GRK4: variants seen among roughly 807,000 people sequenced by gnomAD.
GRK4 encodes G protein-coupled receptor kinase 2-like.
GRK4 carries 73 observed loss-of-function variants against 77.9 expected under a neutral mutation model. That is an observed-to-expected ratio of 0.94 (90% CI 0.78 to 1.14). The LOEUF (loss-of-function observed/expected upper bound fraction) is 1.14. Ranked by LOEUF, GRK4 falls within the 50% of genes most tolerant of loss-of-function variation. The pLI, the probability that GRK4 is intolerant of heterozygous loss-of-function variation, is 0.00. For synonymous variants in GRK4, 257 were observed against 254.4 expected, an observed-to-expected ratio of 1.01 and a Z score of -0.10; for missense variants, 729 against 700.2, an observed-to-expected ratio of 1.04 and a Z score of -0.46.
intron 7 of GRK4, among the ~76,000 whole-genome samples, chr4:3,010,891 A>G (rs573746496): frequency 6.6e-6 from 1 of 152,324 alleles, no homozygotes; most frequent in South Asian, 2.1e-4. Context: ...GCTTGACATG[A>G]CAAGAAATTG....
intron 1 of GRK4, among the ~76,000 whole-genome samples, chr4:2,969,521 C>G (rs1010874568): frequency 1.3e-5 from 2 of 151,982 alleles, no homozygotes; most frequent in Non-Finnish European, 2.9e-5. Context: ...GGATTACAGG[C>G]ATGCACTACC....
intron 1 of GRK4, among the ~76,000 whole-genome samples, chr4:2,980,396 C>T (rs1276201745): frequency 2.0e-5 from 3 of 151,942 alleles, no homozygotes; most frequent in South Asian, 2.1e-4. Context: ...AATCTTCTGT[C>T]GATGTAGGAA....
intron 1 of GRK4, among the ~76,000 whole-genome samples, chr4:2,976,289 T>C (rs539643882): frequency 6.6e-6 from 1 of 151,814 alleles, no homozygotes; most frequent in East Asian, 1.9e-4. Flanking sequence ...TGGAATGCAG[T>C]GGCGCAGTCA....
At chr4:2,979,597 C>A (rs1019821290) in intron 1 of GRK4, among the ~76,000 whole-genome samples, 2 of 152,146 alleles carry the variant, frequency 1.3e-5, no homozygotes, top group African/African-American at 4.8e-5. Context: ...CCTGTAATCC[C>A]AGCTACTCAG....
intron 6 of GRK4, 73 bp from the exon 7 acceptor site, chr4:3,009,575 C>A: frequency 8.9e-7 from 1 of 1,122,434 alleles, no homozygotes; most frequent in Non-Finnish European, 1.4e-6. Flanking sequence ...CGAAGACAAG[C>A]GCTGAGTAAA....
chr4:3,035,738 G>GT (rs3832271), intron 13 of GRK4, among the ~76,000 whole-genome samples: 70 of 150,742 alleles, frequency 4.6e-4, no homozygotes, highest in East Asian at 9.8e-4. Flanking sequence ...ACAGTTTTTT[G>GT]TTTTTTTTTG....
chr4:2,986,773 A>G, intron 2 of GRK4: 1 of 296,174 alleles, frequency 3.4e-6, no homozygotes, highest in Non-Finnish European at 6.9e-6. Context: ...TTATTCCAAG[A>G]TTATTTTTAC....
chr4:3,017,789 T>TTAAA, intron 8 of GRK4, among the ~76,000 whole-genome samples: 1 of 152,216 alleles, frequency 6.6e-6, no homozygotes, highest in African/African-American at 2.4e-5. Context: ...TGATAGAAGC[T>TTAAA]AATGCCCAGT....
chr4:3,019,399 G>A (rs1012775292), intron 8 of GRK4, among the ~76,000 whole-genome samples: 4 of 152,090 alleles, frequency 2.6e-5, no homozygotes, highest in African/African-American at 9.7e-5. Context: ...GTGAAGTTTC[G>A]CCACTTCTTC....
intron 13 of GRK4, among the ~76,000 whole-genome samples, chr4:3,036,431 G>A (rs1740659151): frequency 6.6e-6 from 1 of 152,264 alleles, no homozygotes; most frequent in Non-Finnish European, 1.5e-5. Flanking sequence ...GCTGACCGTG[G>A]CCTTTGGAGC....
intron 10 of GRK4, among the ~76,000 whole-genome samples, chr4:3,025,985 G>A (rs1260785842): frequency 2.0e-5 from 3 of 152,234 alleles, no homozygotes; most frequent in East Asian, 1.9e-4. Context: ...GCTTCCGTCC[G>A]TCTGCTGTGC....
rs745596133 is a variant in GRK4, at chr4:3,022,449, G to A, written c.968G>A (p.Arg323His). ...LKPENILLDD[R>H]GHIRISDLGL... Reference sequence around the variant, plus strand: ...CCTGAGAATATTCTCCTTGATGATCGTGGTAAGTGGGCAAGCCTTTCACAT... The same window carrying A: ...CCTGAGAATATTCTCCTTGATGATCATGGTAAGTGGGCAAGCCTTTCACAT... Residue 323 changes from arginine to histidine, a missense_variant and splice_region_variant, in exon 10 of 16, where the codon CGT (arginine) becomes CAT (histidine). Coordinates refer to ENST00000398052, the MANE Select transcript of GRK4 (RefSeq NM_182982.3). The A allele has an allele frequency of 2.8e-5, 45 of 1,613,742 alleles. No individual in the cohort carries two copies. Among genetic ancestry groups the A allele is most frequent in the African/African-American group, 5.3e-5 (4 of 74,892 alleles).
intron 10 of GRK4, among the ~76,000 whole-genome samples, chr4:3,025,673 T>C (rs1737322895): frequency 6.6e-6 from 1 of 152,008 alleles, no homozygotes; most frequent in African/African-American, 2.4e-5. Context: ...ATTACAGGCT[T>C]GAGCACCGCG....
chr4:2,995,506 T>TAAAAAAAAAAAAAAAAA (rs35993504), intron 4 of GRK4, among the ~76,000 whole-genome samples: 2 of 93,982 alleles, frequency 2.1e-5, no homozygotes, highest in Non-Finnish European at 4.1e-5. Flanking sequence ...TCATCTCTAC[T>TAAAAAAAAAAAAAAAAA]AAAAAAAAAA....
At chr4:3,004,464 G>A (rs1158375143) in intron 5 of GRK4, 130 bp downstream of exon 5, 1 of 568,490 alleles carries the variant, frequency 1.8e-6, no homozygotes, top group Admixed American at 3.2e-5. Context: ...ATGGGCATTA[G>A]GGACGCTGAC....
At chr4:3,001,547 T>C in intron 4 of GRK4, among the ~76,000 whole-genome samples, 1 of 151,900 alleles carries the variant, frequency 6.6e-6, no homozygotes, top group Non-Finnish European at 1.5e-5. Flanking sequence ...TTTGTATTTT[T>C]AGTAGAGACA....
chr4:3,004,753 C>T (rs7679290), intron 5 of GRK4, among the ~76,000 whole-genome samples: 3,900 of 152,028 alleles, frequency 0.026, 120 homozygotes, highest in African/African-American at 0.077. Context: ...GTCATCTGCA[C>T]GTTGAGGAGG....
intron 15 of GRK4, 69 bp downstream of exon 15, chr4:3,038,582 G>C: frequency 6.6e-7 from 1 of 1,514,234 alleles, no homozygotes; most frequent in Non-Finnish European, 8.9e-7. Context: ...GACTGCCAAG[G>C]TGAAAACCTG....
At chr4:2,974,632 G>C (rs1021345133) in intron 1 of GRK4, among the ~76,000 whole-genome samples, 1 of 152,222 alleles carries the variant, frequency 6.6e-6, no homozygotes, top group Non-Finnish European at 1.5e-5. Context: ...TCAGACAGGA[G>C]GGCTTTATGG....
Sources: gnomAD v4.1 joint callset for allele counts (sites outside exome capture counted in the v4.1 genomes callset) on GRCh38, gnomAD v4.1.1 for gene constraint, MANE v1.5 for transcripts, NCBI Gene and HGNC (gene_info 2026-07-23, HGNC 2026-07-21) for gene names.